DTHD1: variants seen among roughly 807,000 people sequenced by gnomAD.
The protein encoded by DTHD1 is death domain-containing protein 1.
DTHD1 carries 59 observed loss-of-function variants against 74.8 expected under a neutral mutation model. The ratio of observed to expected loss-of-function variants is 0.79; its 90% confidence interval spans 0.64 to 0.98. The LOEUF is 0.98. Ranked by LOEUF, DTHD1 falls within the 50% of genes least tolerant of loss-of-function variation. The probability of loss-of-function intolerance (pLI) is 0.00; values close to 1 mark genes in which losing one functional copy is unlikely to be tolerated. For missense variants in DTHD1, 1,051 were observed against 1,065.4 expected, an observed-to-expected ratio of 0.99 and a Z score of 0.19; for synonymous variants, 365 against 371.1, an observed-to-expected ratio of 0.98 and a Z score of 0.19.
rs778344672 is a variant in DTHD1 at position 36,284,609 on chromosome 4, G to A, written c.887+18G>A. On this transcript the variant is annotated intron_variant, in intron 2 of 9. Transcript: ENST00000639862. ...GAAAAGGAGTAAGTAAATGCAATGTGGGAAGTGCTTAAGTATGCCTACTTA... is the reference window on the plus strand; with the variant it reads ...GAAAAGGAGTAAGTAAATGCAATGTAGGAAGTGCTTAAGTATGCCTACTTA... 2 of 1,478,536 alleles carry A rather than the reference G, an allele frequency of 1.4e-6. No homozygotes were observed. Among genetic ancestry groups the A allele is most frequent in the Admixed American group, 4.6e-5 (2 of 43,182 alleles). The allele number at this position is 1,478,536 out of a possible 1,614,324, so 91.6% of individuals were successfully genotyped here.
At chr4:36,282,185 C>T (rs1220746273) in intron 1 of DTHD1, among the ~76,000 whole-genome samples, 156 bp downstream of exon 1, 1 of 152,104 alleles carries the variant, frequency 6.6e-6, no homozygotes, top group Non-Finnish European at 1.5e-5. Context: ...GACAAATGCA[C>T]AATAATGCCA....
chr4:36,283,021 A>G (rs1410041586), intron 1 of DTHD1, among the ~76,000 whole-genome samples: 1 of 152,192 alleles, frequency 6.6e-6, no homozygotes, highest in African/African-American at 2.4e-5. Flanking sequence ...AAAACAAAAC[A>G]CAAGTTGTCA....
intron 7 of DTHD1, among the ~76,000 whole-genome samples, chr4:36,313,401 T>C (rs1278262733): frequency 8.5e-6 from 1 of 118,118 alleles, no homozygotes; most frequent in Non-Finnish European, 1.8e-5. Flanking sequence ...CTCCTTTAAA[T>C]ATGCCAGTGA....
chr4:36,321,876 T>C (rs985543143), intron 8 of DTHD1, among the ~76,000 whole-genome samples: 2 of 152,196 alleles, frequency 1.3e-5, no homozygotes, highest in Non-Finnish European at 2.9e-5. Flanking sequence ...TCCTCACTTA[T>C]TCAACCACAG....
rs770529433 is a variant in DTHD1 at position 36,308,326 on chromosome 4, A to G, written c.1928A>G (p.Asn643Ser). The change falls in exon 7 of 10, where the codon AAT becomes AGT. Residue 643 changes from asparagine to serine, a missense_variant. By Grantham distance (46) the Asn-to-Ser change is conservative. Transcript: ENST00000639862. ...ACIVLSHQKD[N>S]PHRIAVLVVP... The stretch of plus-strand genomic sequence containing the variant: ...ATAGTACTGTCTCACCAGAAGGACA[A>G]TCCACATAGAATAGCTGTTTTAGTG... The G allele has an allele frequency of 1.9e-6, 3 of 1,551,854 alleles. No individual in the cohort carries two copies. The highest frequency in any genetic ancestry group is 2.6e-6 in the Non-Finnish European group (3 of 1,147,046).
At position 36,282,047 on chromosome 4, in the gene DTHD1, T is replaced by C. The variant is rs2109432275; in HGVS notation, c.271+18T>C. ...GAGAAAAGGCAAGTATTCTTTTTTT[T>C]AGTTTATTCTTTCTCTAAGAAATAT... On this transcript the variant is annotated intron_variant, in intron 1 of 9. Coordinates refer to ENST00000639862, the MANE Select transcript of DTHD1 (RefSeq NM_001170700.3). 1 of 1,516,710 alleles carries C rather than the reference T, an allele frequency of 6.6e-7. No individual in the cohort carries two copies. The highest frequency in any genetic ancestry group is 8.9e-7 in the Non-Finnish European group (1 of 1,128,102). 94.0% of individuals were successfully genotyped at this position (1,516,710 alleles called of 1,614,324 possible).
chr4:36,321,270 T>C (rs1465919791), intron 8 of DTHD1, among the ~76,000 whole-genome samples: 1 of 152,190 alleles, frequency 6.6e-6, no homozygotes, highest in Admixed American at 6.5e-5. Context: ...TGGTAGCAGT[T>C]CGTGGTCTGT....
At chr4:36,323,337 C>A (rs1210451012) in intron 8 of DTHD1, among the ~76,000 whole-genome samples, 1 of 152,164 alleles carries the variant, frequency 6.6e-6, no homozygotes, top group Non-Finnish European at 1.5e-5. Context: ...ACTTTCACCA[C>A]TTTGGATTTC....
chr4:36,292,926 T>C (rs962648785), intron 3 of DTHD1, among the ~76,000 whole-genome samples: 1 of 152,240 alleles, frequency 6.6e-6, no homozygotes, highest in African/African-American at 2.4e-5. Flanking sequence ...TCTGTATATA[T>C]GCATTACAAA....
Position 36,316,271 on chromosome 4 carries a change from A to G in DTHD1, c.2125A>G (p.Thr709Ala). Residue 709 changes from threonine (T) to alanine (A), a missense_variant, in exon 8 of 10, where the codon ACA (threonine) becomes GCA (alanine). Physicochemically the swap from Thr to Ala is moderately conservative, Grantham distance 58. Transcript: ENST00000639862. ...CGGGAAGGATTATGGAAAAGACTAC[A>G]CACTTATTTTTCACTTGCAAAGAAA... ...SNGKDYGKDY[T>A]LIFHLQRKPR... 2.6e-6 allele frequency: 4 copies of G among 1,551,608 alleles called. No homozygotes were observed. Among genetic ancestry groups the G allele is most frequent in the African/African-American group, 1.4e-5 (1 of 73,148 alleles).
chr4:36,296,809 A>G (rs911225789), intron 5 of DTHD1, among the ~76,000 whole-genome samples: 10 of 151,948 alleles, frequency 6.6e-5, no homozygotes, highest in African/African-American at 2.4e-4. Context: ...ACTATGCTTT[A>G]TATAGTTGAT....
chr4:36,295,158 T>TTC, intron 5 of DTHD1, 119 bp downstream of exon 5: 2 of 1,204,372 alleles, frequency 1.7e-6, no homozygotes, highest in Non-Finnish European at 2.2e-6. Flanking sequence ...ATGAAATATC[T>TTC]TTAATCTAGA....
chr4:36,298,912 A>G (rs947931474), intron 5 of DTHD1, among the ~76,000 whole-genome samples: 1 of 152,192 alleles, frequency 6.6e-6, no homozygotes, highest in Non-Finnish European at 1.5e-5. Context: ...TTCAAATGTA[A>G]TATGTGATTC....
At position 36,343,908 on chromosome 4, in the gene DTHD1, AATG is replaced by A; in HGVS notation, c.*87_*89del. ...GTCAACATTTTCCTGGAAGTTTCCG[AATG>A]ATATTATTTGAAGTCAGTCTATTTA... On this transcript the variant is annotated 3_prime_UTR_variant, in exon 10 of 10. Transcript: ENST00000639862. The A allele has an allele frequency of 7.8e-7, 1 of 1,284,998 alleles. No individual in the cohort carries two copies. Among genetic ancestry groups the A allele is most frequent in the Non-Finnish European group, 1.0e-6 (1 of 956,842 alleles). 79.6% of individuals were successfully genotyped at this position (1,284,998 alleles called of 1,614,324 possible).
At chr4:36,317,563 T>C (rs1757804726) in intron 8 of DTHD1, among the ~76,000 whole-genome samples, 2 of 152,232 alleles carry the variant, frequency 1.3e-5, no homozygotes, top group African/African-American at 4.8e-5. Context: ...AAAATTAACT[T>C]CCTCTTTTAT....
intron 8 of DTHD1, among the ~76,000 whole-genome samples, chr4:36,325,859 T>C (rs770550358): frequency 5.9e-5 from 9 of 152,236 alleles, no homozygotes; most frequent in Non-Finnish European, 8.8e-5. Context: ...AACATTTTCC[T>C]TGGAGGCCTA....
At chr4:36,327,655 C>T (rs1012438357) in intron 8 of DTHD1, among the ~76,000 whole-genome samples, 6 of 152,212 alleles carry the variant, frequency 3.9e-5, no homozygotes, top group Non-Finnish European at 8.8e-5. Context: ...ATGGCAACCT[C>T]ATGTGGTGCA....
In DTHD1 at chr4:36,283,835, A is replaced by T. The variant is rs570825484; in HGVS notation, c.272-141A>T. On this transcript the variant is annotated intron_variant, in intron 1 of 9. Coordinates refer to ENST00000639862, the MANE Select transcript of DTHD1 (RefSeq NM_001170700.3). ...ACAGTTATACAATTACTTCTCCTTC[A>T]GGAGTTTGGCTTAAATGCACAGTAA... 2.1e-4 allele frequency: 133 copies of T among 624,502 alleles called. No individual in the cohort carries two copies. In the South Asian group the frequency reaches 2.5e-3, roughly 12 times the overall value. The allele number at this position is 624,502 out of a possible 1,614,324, so 38.7% of individuals were successfully genotyped here.
chr4:36,339,601 G>C (rs954948523), intron 9 of DTHD1, among the ~76,000 whole-genome samples: 2 of 152,124 alleles, frequency 1.3e-5, no homozygotes, highest in African/African-American at 4.8e-5. Context: ...TTAATATTTG[G>C]TTATCATTAT....
Sources: gnomAD v4.1 joint callset for allele counts (sites outside exome capture counted in the v4.1 genomes callset) on GRCh38, gnomAD v4.1.1 for gene constraint, MANE v1.5 for transcripts, NCBI Gene and HGNC (gene_info 2026-07-23, HGNC 2026-07-21) for gene names.